The following CTNNA3 variants were observed in gnomAD, a reference collection of about 807,000 sequenced individuals.
CTNNA3 encodes the protein catenin alpha-3.
In CTNNA3, 76 loss-of-function variants were observed where a neutral mutation model predicts 95.7. The observed-to-expected ratio is 0.79, with a 90% CI of 0.66 to 0.96. The LOEUF (loss-of-function observed/expected upper bound fraction) is 0.96, where lower values mean the gene tolerates loss of function less well. CTNNA3 is among the 40% of genes least tolerant of loss of function. The probability of loss-of-function intolerance (pLI) is 0.00; values close to 1 mark genes in which losing one functional copy is unlikely to be tolerated. For synonymous variants in CTNNA3, 431 were observed against 374.4 expected, an observed-to-expected ratio of 1.15 and a Z score of -1.74; for missense variants, 1,191 against 1,089.8, an observed-to-expected ratio of 1.09 and a Z score of -1.31.
chr10:66,185,367 C>T (rs546529114), intron 13 of CTNNA3, among the ~76,000 whole-genome samples: 1 of 151,790 alleles, frequency 6.6e-6, no homozygotes, highest in Non-Finnish European at 1.5e-5. Context: ...AGTTAGGATA[C>T]CTTTTAAAAA....
At chr10:66,320,831 T>C (rs1443241168) in intron 12 of CTNNA3, among the ~76,000 whole-genome samples, 2 of 152,116 alleles carry the variant, frequency 1.3e-5, no homozygotes, top group African/African-American at 2.4e-5. Flanking sequence ...AGAACAGTAA[T>C]GCAAATGAAG....
chr10:67,590,963 A>G (rs2133346192), intron 3 of CTNNA3, among the ~76,000 whole-genome samples: 1 of 152,222 alleles, frequency 6.6e-6, no homozygotes, highest in South Asian at 2.1e-4. Context: ...TGTTTAACAA[A>G]TCTTGCTCTA....
chr10:66,702,580 C>A (rs1177996066), intron 9 of CTNNA3, among the ~76,000 whole-genome samples: 2 of 151,670 alleles, frequency 1.3e-5, no homozygotes, highest in Non-Finnish European at 2.9e-5. Flanking sequence ...GTGGTGGGTG[C>A]CTGTAATCCC....
intron 11 of CTNNA3, among the ~76,000 whole-genome samples, chr10:66,407,214 A>G (rs933666246): frequency 6.6e-6 from 1 of 151,884 alleles, no homozygotes; most frequent in Non-Finnish European, 1.5e-5. Flanking sequence ...AAGAAAAAAA[A>G]AAAAACAGGA....
At chr10:67,462,744 T>C (rs557263110) in intron 5 of CTNNA3, among the ~76,000 whole-genome samples, 1 of 152,166 alleles carries the variant, frequency 6.6e-6, no homozygotes, top group Non-Finnish European at 1.5e-5. Flanking sequence ...GATATTCTAG[T>C]AGATTTTTAT....
chr10:67,493,126 TG>T (rs2133083195), intron 5 of CTNNA3, among the ~76,000 whole-genome samples: 1 of 152,288 alleles, frequency 6.6e-6, no homozygotes, highest in East Asian at 1.9e-4. Context: ...AGTTTTGTTT[TG>T]TTTTTTTAAA....
intron 1 of CTNNA3, among the ~76,000 whole-genome samples, chr10:67,742,011 T>C (rs922710913): frequency 6.6e-6 from 1 of 150,890 alleles, no homozygotes; most frequent in African/African-American, 2.4e-5. Flanking sequence ...ATAAAGCAAG[T>C]CCTTAGAGAC....
At chr10:66,253,720 C>T (rs963773654) in intron 13 of CTNNA3, among the ~76,000 whole-genome samples, 21 of 151,854 alleles carry the variant, frequency 1.4e-4, no homozygotes, top group Admixed American at 9.9e-4. Context: ...TGTGTGTGCA[C>T]GTTGTGTGTC....
chr10:66,286,740 A>T (rs1203922440), intron 12 of CTNNA3, among the ~76,000 whole-genome samples: 1 of 151,318 alleles, frequency 6.6e-6, no homozygotes, highest in Non-Finnish European at 1.5e-5. Context: ...GGTCCTTCAC[A>T]TATTGCTGGG....
chr10:67,263,282 CCTAGTA>C (rs1419343054), intron 5 of CTNNA3, among the ~76,000 whole-genome samples: 4 of 152,162 alleles, frequency 2.6e-5, no homozygotes, highest in African/African-American at 9.7e-5. Context: ...TGATTTCAGA[CCTAGTA>C]CTATTGTGAT....
intron 11 of CTNNA3, among the ~76,000 whole-genome samples, chr10:66,490,104 C>A (rs1839871855): frequency 6.6e-6 from 1 of 152,110 alleles, no homozygotes; most frequent in African/African-American, 2.4e-5. Flanking sequence ...CATATCTATT[C>A]AAATTCTAGA....
At chr10:66,113,075 A>G (rs1252116631) in intron 13 of CTNNA3, among the ~76,000 whole-genome samples, 14 of 152,176 alleles carry the variant, frequency 9.2e-5, no homozygotes, top group Non-Finnish European at 2.1e-4. Context: ...GTACCATTCT[A>G]CATTCCCACC....
chr10:67,557,945 C>A (rs1302672137), intron 3 of CTNNA3, among the ~76,000 whole-genome samples: 2 of 152,200 alleles, frequency 1.3e-5, no homozygotes, highest in Non-Finnish European at 2.9e-5. Context: ...TGCAACAAGA[C>A]CCTATCTCTC....
At chr10:67,333,457 C>T (rs1476612791) in intron 5 of CTNNA3, among the ~76,000 whole-genome samples, 1 of 152,202 alleles carries the variant, frequency 6.6e-6, no homozygotes, top group East Asian at 1.9e-4. Flanking sequence ...ATATCATCAA[C>T]AGCTCATATA....
chr10:67,318,884 C>T (rs1841182614), intron 5 of CTNNA3, among the ~76,000 whole-genome samples: 1 of 152,200 alleles, frequency 6.6e-6, no homozygotes. Flanking sequence ...ACATAGCAGA[C>T]CTAACTGCTA....
intron 13 of CTNNA3, among the ~76,000 whole-genome samples, chr10:66,132,223 C>T (rs2083139581): frequency 6.6e-6 from 1 of 152,062 alleles, no homozygotes; most frequent in Admixed American, 6.6e-5. Context: ...CAAAAGCAAA[C>T]AATCCCATTG....
At chr10:66,985,601 C>A (rs532259586) in intron 7 of CTNNA3, among the ~76,000 whole-genome samples, 1 of 152,224 alleles carries the variant, frequency 6.6e-6, no homozygotes, top group South Asian at 2.1e-4. Flanking sequence ...AAAGTTTGGT[C>A]TTCTGGAGTG....
chr10:65,988,763 T>C lies in CTNNA3; in HGVS notation c.2194A>G (p.Ile732Val). The C allele has an allele frequency of 6.2e-7, 1 of 1,613,998 alleles. No homozygotes were observed. The highest frequency in any genetic ancestry group is 8.5e-7 in the Non-Finnish European group (1 of 1,179,938). The change falls in exon 16 of 18, where the codon ATC (isoleucine) becomes GTC (valine). Residue 732 changes from isoleucine (I) to valine (V), a missense_variant. Physicochemically the swap from Ile to Val is conservative, Grantham distance 29 (BLOSUM62 3). Transcript: ENST00000433211. ...TCTGATATCATTTTCGCTGCATAGA[T>C]CACATCAGTTGTATGCTTTAGTGGT... ...KGPLKHTTDV[I>V]YAAKMISESG...
At chr10:67,097,119 G>A (rs1306886428) in intron 7 of CTNNA3, among the ~76,000 whole-genome samples, 1 of 151,756 alleles carries the variant, frequency 6.6e-6, no homozygotes, top group African/African-American at 2.4e-5. Flanking sequence ...AACTTGGGTG[G>A]CAGGGGGTTG....
Sources: gnomAD v4.1 joint callset for allele counts (sites outside exome capture counted in the v4.1 genomes callset) on GRCh38, gnomAD v4.1.1 for gene constraint, MANE v1.5 for transcripts, NCBI Gene and HGNC (gene_info 2026-07-23, HGNC 2026-07-21) for gene names.